Variants in PRSS35 observed in about 807,000 individuals in gnomAD.
PRSS35 encodes the protein serine protease 35.
PRSS35 carries 7 observed loss-of-function variants against 8.1 expected under a neutral mutation model. The observed-to-expected ratio is 0.86, with a 90% CI of 0.49 to 1.62. The LOEUF (loss-of-function observed/expected upper bound fraction) is 1.62. Ranked by LOEUF, PRSS35 falls within the 40% of genes most tolerant of loss-of-function variation. The pLI, the probability that PRSS35 is intolerant of heterozygous loss-of-function variation, is 0.00. For missense variants in PRSS35, 566 were observed against 518.0 expected (o/e 1.09, Z -0.90); for synonymous variants, 199 against 188.7 (o/e 1.05, Z -0.45).
chr6:83,514,996 C>T (rs1771685666), intron 1 of PRSS35, among the ~76,000 whole-genome samples: 1 of 152,204 alleles, frequency 6.6e-6, no homozygotes, highest in African/African-American at 2.4e-5. Context: ...TATTTCACAG[C>T]TGAGTAAGTG....
Position 83,525,660 on chromosome 6 carries a change from T to C in PRSS35, c.*977T>C, listed in dbSNP as rs1489152649. The C allele has an allele frequency of 6.0e-6, 1 of 167,102 alleles. No homozygotes were observed. The highest frequency in any genetic ancestry group is 2.4e-5 in the African/African-American group (1 of 41,476). 10.4% of individuals were successfully genotyped at this position (167,102 alleles called of 1,614,324 possible). A position where few individuals can be genotyped will look rare whatever the true frequency, so the allele number is the denominator to read the frequency against. On this transcript the variant is annotated 3_prime_UTR_variant, in exon 2 of 2. Transcript: ENST00000369700. Reference sequence around the variant, plus strand: ...ATTCTCTGATTAGTAATTTTAGATATGTCCTTTCCTAAAAATGAATAAAAT... The same window carrying C: ...ATTCTCTGATTAGTAATTTTAGATACGTCCTTTCCTAAAAATGAATAAAAT...
rs920919079 is a variant in PRSS35 at position 83,524,755 on chromosome 6, C to A, written c.*72C>A. ...CCAGCTCTGCTTACCGTAGTGAGATCACTTCATAGGTTATGCCTGGACTTG... is the reference window on the plus strand; with the variant it reads ...CCAGCTCTGCTTACCGTAGTGAGATAACTTCATAGGTTATGCCTGGACTTG... On this transcript the variant is annotated 3_prime_UTR_variant, in exon 2 of 2. Transcript: ENST00000369700. 7.0e-7 allele frequency: 1 copy of A among 1,429,964 alleles called. No homozygotes were observed. Among genetic ancestry groups the A allele is most frequent in the Non-Finnish European group, 9.4e-7 (1 of 1,060,096 alleles). The allele number at this position is 1,429,964 out of a possible 1,614,324, so 88.6% of individuals were successfully genotyped here.
rs1167587579 is a variant in PRSS35, at chr6:83,524,168, G to A, written c.727G>A (p.Ala243Thr). Residue 243 changes from alanine (A) to threonine (T), a missense_variant, in exon 2 of 2, where the codon GCC becomes ACC. Physicochemically the swap from Ala to Thr is moderately conservative, Grantham distance 58. Transcript: ENST00000369700. The part of the protein sequence containing the change: ...RKKSGRGQRI[A>T]EGRPSFQWTR... ...AAAATCTGGCCGGGGTCAGAGGATT[G>A]CCGAAGGGAGGCCTTCCTTTCAGTG... 2.5e-6 allele frequency: 4 copies of A among 1,613,988 alleles called. No homozygotes were observed. Among genetic ancestry groups the A allele is most frequent in the East Asian group, 2.2e-5 (1 of 44,878 alleles).
chr6:83,512,896 C>T lies in PRSS35; in HGVS notation c.-21+202C>T, dbSNP rs118100985. On this transcript the variant is annotated intron_variant, in intron 1 of 1. Coordinates refer to ENST00000369700, the MANE Select transcript of PRSS35 (RefSeq NM_153362.3). ...CGGCCTCTGCACAGTTTAATATTAA[C>T]GACAACAATGTTTGCATTGGAATAT... is the stretch of plus-strand genomic sequence containing the variant. Among the ~76,000 whole-genome samples the T allele has an allele frequency of 3.0e-3, 458 of 152,246 alleles. 2 individuals carry two copies. Among genetic ancestry groups the T allele is most frequent in the Non-Finnish European group, 4.1e-3 (276 of 68,036 alleles).
Position 83,524,175 on chromosome 6 carries a change from G to T in PRSS35, c.734G>T (p.Gly245Val). Residue 245 changes from glycine to valine, a missense_variant, in exon 2 of 2, where the codon GGG (glycine) becomes GTG (valine). By Grantham distance (109) the Gly-to-Val change is moderately radical (BLOSUM62 -3). Transcript: ENST00000369700. ...GGCCGGGGTCAGAGGATTGCCGAAG[G>T]GAGGCCTTCCTTTCAGTGGACCCGG... ...KSGRGQRIAE[G>V]RPSFQWTRVK... 1 of 1,614,096 alleles carries T rather than the reference G, an allele frequency of 6.2e-7. No homozygotes were observed. Among genetic ancestry groups the T allele is most frequent in the Non-Finnish European group, 8.5e-7 (1 of 1,180,014 alleles).
intron 1 of PRSS35, 123 bp from the exon 2 acceptor site, chr6:83,523,299 A>G (rs1771856180): frequency 1.4e-6 from 1 of 703,416 alleles, no homozygotes; most frequent in Non-Finnish European, 2.3e-6. Context: ...AAATCTAGGT[A>G]AGGTGAAAAT....
At chr6:83,520,289 C>G (rs1345121152) in intron 1 of PRSS35, among the ~76,000 whole-genome samples, 1 of 152,150 alleles carries the variant, frequency 6.6e-6, no homozygotes, top group Non-Finnish European at 1.5e-5. Context: ...ACACCAGAGC[C>G]TTGGCTACTG....
chr6:83,524,023 A>G lies in PRSS35; in HGVS notation c.582A>G (p.Lys194=), dbSNP rs1771876582. The change falls in exon 2 of 2, where the codon AAA becomes AAG. Residue 194 remains lysine, a synonymous_variant. Transcript: ENST00000369700. ...TAGGGTTGTTGAAGATGAGGAATAAAAGTGGAGGCAAGAAACGTCGAGGTT... is the reference window on the plus strand; with the variant it reads ...TAGGGTTGTTGAAGATGAGGAATAAGAGTGGAGGCAAGAAACGTCGAGGTT... ...LRVGLLKMRN[K]SGGKKRRGSK... The G allele has an allele frequency of 1.2e-6, 2 of 1,614,156 alleles. No homozygotes were observed. Among genetic ancestry groups the G allele is most frequent in the Non-Finnish European group, 8.5e-7 (1 of 1,180,040 alleles).
At chr6:83,517,927 T>C (rs1171114) in intron 1 of PRSS35, among the ~76,000 whole-genome samples, 89,514 of 151,954 alleles carry the variant, frequency 0.59, 26,520 homozygotes, top group Admixed American at 0.67. Flanking sequence ...AACTGTTTGA[T>C]GGATCAATGC....
chr6:83,516,172 C>A (rs1007044855), intron 1 of PRSS35, among the ~76,000 whole-genome samples: 11 of 152,188 alleles, frequency 7.2e-5, no homozygotes, highest in African/African-American at 2.7e-4. Context: ...AAACTCGATT[C>A]TCACCTTTGT....
intron 1 of PRSS35, among the ~76,000 whole-genome samples, chr6:83,520,973 G>T (rs984501886): frequency 1.3e-5 from 2 of 152,088 alleles, no homozygotes; most frequent in African/African-American, 2.4e-5. Context: ...GTCTCTTGAC[G>T]TGGATATTTG....
At position 83,523,986 on chromosome 6, in the gene PRSS35, A is replaced by C. The variant is rs747518209; in HGVS notation, c.545A>C (p.Lys182Thr). Residue 182 changes from lysine to threonine, a missense_variant, in exon 2 of 2, where the codon AAA becomes ACA. Physicochemically the swap from Lys to Thr is moderately conservative, Grantham distance 78. Transcript: ENST00000369700. ...HDGKDYVKGS[K>T]KLRVGLLKMR... ...GGAAAGGACTATGTCAAAGGGAGTAAAAAGCTAAGGGTAGGGTTGTTGAAG... is the reference window on the plus strand; with the variant it reads ...GGAAAGGACTATGTCAAAGGGAGTACAAAGCTAAGGGTAGGGTTGTTGAAG... 4 of 1,614,168 alleles carry C rather than the reference A, an allele frequency of 2.5e-6. No homozygotes were observed. Among genetic ancestry groups the C allele is most frequent in the Non-Finnish European group, 3.4e-6 (4 of 1,180,044 alleles).
intron 1 of PRSS35, among the ~76,000 whole-genome samples, chr6:83,515,211 T>C (rs947704478): frequency 2.6e-5 from 4 of 152,198 alleles, no homozygotes; most frequent in African/African-American, 9.7e-5. Context: ...TTAGAAATGT[T>C]CTAGTCCAAC....
intron 1 of PRSS35, among the ~76,000 whole-genome samples, chr6:83,517,615 C>A (rs1771747609): frequency 6.6e-6 from 1 of 152,228 alleles, no homozygotes; most frequent in Non-Finnish European, 1.5e-5. Flanking sequence ...TATTCAGAAT[C>A]ATCTGGCCAG....
At chr6:83,521,276 G>A (rs537183933) in intron 1 of PRSS35, among the ~76,000 whole-genome samples, 21 of 151,622 alleles carry the variant, frequency 1.4e-4, no homozygotes, top group South Asian at 6.3e-4. Flanking sequence ...AATTTCAAGC[G>A]CTCAGTAGAG....
intron 1 of PRSS35, among the ~76,000 whole-genome samples, chr6:83,517,370 C>T (rs1771742889): frequency 6.6e-6 from 1 of 152,136 alleles, no homozygotes; most frequent in Non-Finnish European, 1.5e-5. Context: ...TAAATGTTAC[C>T]TCCATGTAGT....
chr6:83,523,916 A>G lies in PRSS35; in HGVS notation c.475A>G (p.Ile159Val), dbSNP rs1201749180. 6.2e-7 allele frequency: 1 copy of G among 1,613,924 alleles called. No homozygotes were observed. The highest frequency in any genetic ancestry group is 2.2e-5 in the East Asian group (1 of 44,880). ...KLSTGCSGIL[I>V]SPQHVLTAAH... is the part of the protein sequence containing the mutation. ...TTCCACGGGCTGTAGTGGCATTCTC[A>G]TTTCCCCTCAGCATGTTCTAACTGC... Residue 159 changes from isoleucine (I) to valine (V), a missense_variant, in exon 2 of 2, where the codon ATT (isoleucine) becomes GTT (valine). Transcript: ENST00000369700.
intron 1 of PRSS35, among the ~76,000 whole-genome samples, chr6:83,519,923 T>C (rs971867134): frequency 6.6e-6 from 1 of 152,128 alleles, no homozygotes; most frequent in Non-Finnish European, 1.5e-5. Context: ...TGCCATTGAA[T>C]GATCTGTAGT....
intron 1 of PRSS35, among the ~76,000 whole-genome samples, chr6:83,522,553 A>T (rs1583459855): frequency 6.6e-6 from 1 of 152,160 alleles, no homozygotes; most frequent in South Asian, 2.1e-4. Flanking sequence ...AACCATTCTC[A>T]TGTCCCCCCC....
Sources: gnomAD v4.1 joint callset for allele counts (sites outside exome capture counted in the v4.1 genomes callset) on GRCh38, gnomAD v4.1.1 for gene constraint, MANE v1.5 for transcripts, NCBI Gene and HGNC (gene_info 2026-07-23, HGNC 2026-07-21) for gene names.